Variants in CD2AP observed in about 807,000 individuals in gnomAD.
CD2AP encodes the protein CD2-associated protein.
In CD2AP, 46 loss-of-function variants were observed where a neutral mutation model predicts 85.1. The ratio of observed to expected loss-of-function variants is 0.54; its 90% CI spans 0.43 to 0.69. The LOEUF (loss-of-function observed/expected upper bound fraction) is 0.69, where lower values mean the gene tolerates loss of function less well. Among genes scored for constraint, CD2AP ranks in the 30% least tolerant of loss-of-function variants. CD2AP has a pLI of 0.00. For synonymous variants in CD2AP, 255 were observed against 252.9 expected (o/e 1.01, Z -0.08); for missense variants, 769 against 729.5 (o/e 1.05, Z -0.62).
intron 10 of CD2AP, 138 bp downstream of exon 10, chr6:47,581,038 G>T: frequency 1.4e-6 from 1 of 697,286 alleles, no homozygotes; most frequent in South Asian, 1.7e-5. Context: ...TATGAAAATT[G>T]AGTGTTCACA....
intron 14 of CD2AP, 141 bp from the exon 15 acceptor site, chr6:47,607,786 G>T (rs1268534314): frequency 3.3e-6 from 2 of 613,684 alleles, no homozygotes; most frequent in Non-Finnish European, 5.7e-6. Flanking sequence ...AAAGTATATA[G>T]CATCCTATTA....
At chr6:47,579,277 G>T in intron 8 of CD2AP, 108 bp from the exon 9 acceptor site, 1 of 702,290 alleles carries the variant, frequency 1.4e-6, no homozygotes. Context: ...TGAGGCTGCA[G>T]TGAGTCATGA....
intron 1 of CD2AP, among the ~76,000 whole-genome samples, chr6:47,480,751 T>G (rs1342874008): frequency 6.6e-6 from 1 of 152,226 alleles, no homozygotes; most frequent in Non-Finnish European, 1.5e-5. Context: ...AAATCTCAAT[T>G]TTTGACCTTT....
At chr6:47,547,959 A>G (rs1041659503) in intron 4 of CD2AP, among the ~76,000 whole-genome samples, 3 of 152,180 alleles carry the variant, frequency 2.0e-5, no homozygotes, top group Non-Finnish European at 2.9e-5. Flanking sequence ...ATGGAAATTA[A>G]AAAATTCTTC....
At position 47,599,418 on chromosome 6, in the gene CD2AP, T is replaced by C. The variant is rs1336039589; in HGVS notation, c.1392T>C (p.Leu464=). 3 of 1,612,256 alleles carry C rather than the reference T, an allele frequency of 1.9e-6. No individual in the cohort carries two copies. The highest frequency in any genetic ancestry group is 2.5e-6 in the Non-Finnish European group (3 of 1,179,076). The change falls in exon 13 of 18, where the codon CTT becomes CTC. Residue 464 remains leucine (L), a synonymous_variant. Transcript: ENST00000359314. The part of the protein sequence containing the change: ...LRPKSVDFDS[L]TVRTSKETDV... ...CAAAATCAGTAGACTTTGATTCACTTACAGTAAGGACCTCCAAAGAAACAG... is the reference window on the plus strand; with the variant it reads ...CAAAATCAGTAGACTTTGATTCACTCACAGTAAGGACCTCCAAAGAAACAG...
intron 16 of CD2AP, among the ~76,000 whole-genome samples, chr6:47,610,971 A>ATATATATATATATATATATATTTTTTTTT: frequency 1.8e-5 from 2 of 112,908 alleles, no homozygotes; most frequent in African/African-American, 7.2e-5. Context: ...ATATATATGT[A>ATATATATATATATATATATATTTTTTTTT]TTTTTTTTTT....
chr6:47,558,411 G>A (rs1156492662), intron 5 of CD2AP, among the ~76,000 whole-genome samples: 3 of 152,172 alleles, frequency 2.0e-5, no homozygotes, highest in African/African-American at 7.2e-5. Context: ...GGTTTTCACA[G>A]GGAATGCTTC....
chr6:47,613,508 CT>C (rs34881852), intron 17 of CD2AP, among the ~76,000 whole-genome samples: 82 of 146,972 alleles, frequency 5.6e-4, no homozygotes, highest in Non-Finnish European at 7.4e-4. Context: ...AAAAATAATC[CT>C]TTTTTTTTTT....
intron 5 of CD2AP, among the ~76,000 whole-genome samples, chr6:47,573,777 C>T (rs1339577814): frequency 1.3e-5 from 2 of 152,090 alleles, no homozygotes; most frequent in Non-Finnish European, 2.9e-5. Flanking sequence ...ACGTGAGCCA[C>T]CACAACATGC....
At chr6:47,518,663 G>T (rs1766511011) in intron 2 of CD2AP, among the ~76,000 whole-genome samples, 1 of 152,196 alleles carries the variant, frequency 6.6e-6, no homozygotes. Flanking sequence ...AGTAATACTT[G>T]GGAGTGGGAT....
At chr6:47,557,720 T>C (rs1052857915) in intron 5 of CD2AP, among the ~76,000 whole-genome samples, 4 of 152,196 alleles carry the variant, frequency 2.6e-5, no homozygotes, top group African/African-American at 7.2e-5. Context: ...CTGTTTTGGT[T>C]ACTGTAGCCT....
intron 5 of CD2AP, among the ~76,000 whole-genome samples, chr6:47,568,091 G>A (rs1307213159): frequency 6.6e-6 from 1 of 152,152 alleles, no homozygotes; most frequent in Non-Finnish European, 1.5e-5. Flanking sequence ...TGTTATTTGG[G>A]GGATGACCGA....
intron 4 of CD2AP, among the ~76,000 whole-genome samples, chr6:47,553,399 A>G (rs774100710): frequency 3.9e-4 from 58 of 147,078 alleles, no homozygotes; most frequent in Admixed American, 2.0e-3. Context: ...CAGGATGGAG[A>G]GCAGTGGCGC....
intron 2 of CD2AP, among the ~76,000 whole-genome samples, chr6:47,504,085 C>A (rs1371159820): frequency 1.3e-5 from 2 of 152,182 alleles, no homozygotes; most frequent in Admixed American, 6.5e-5. Context: ...TGCCAGAAAA[C>A]AATCTTTAGG....
intron 15 of CD2AP, 60 bp from the exon 16 acceptor site, chr6:47,609,063 A>G: frequency 7.7e-7 from 1 of 1,298,908 alleles, no homozygotes; most frequent in East Asian, 2.5e-5. Flanking sequence ...TGCTGTTAAA[A>G]TCTTTCGAAC....
intron 11 of CD2AP, among the ~76,000 whole-genome samples, chr6:47,593,592 C>T (rs1196400789): frequency 6.6e-6 from 1 of 151,692 alleles, no homozygotes; most frequent in Non-Finnish European, 1.5e-5. Flanking sequence ...AAATCAAAAC[C>T]ACAGCGAGCA....
Position 47,574,059 on chromosome 6 carries a change from T to G in CD2AP, c.542-5T>G. The G allele has an allele frequency of 2.5e-6, 4 of 1,613,674 alleles. No individual in the cohort carries two copies. The highest frequency in any genetic ancestry group is 1.7e-4 in the Middle Eastern group (1 of 6,058). On this transcript the variant is annotated splice_region_variant and splice_polypyrimidine_tract_variant and intron_variant, in intron 5 of 17. Coordinates refer to ENST00000359314, the MANE Select transcript of CD2AP (RefSeq NM_012120.3). ...TCATTCTTCAAAAACAAATTATTGT[T>G]TCAGAAACTGTTTTGGCTGGGCCTA...
At chr6:47,611,974 TGAG>T (rs1400651586) in intron 16 of CD2AP, among the ~76,000 whole-genome samples, 5 of 152,092 alleles carry the variant, frequency 3.3e-5, no homozygotes, top group African/African-American at 4.8e-5. Flanking sequence ...AAAGATGAGT[TGAG>T]GAGAGACTAT....
chr6:47,583,012 T>C (rs1768524877), intron 11 of CD2AP, among the ~76,000 whole-genome samples: 1 of 152,150 alleles, frequency 6.6e-6, no homozygotes, highest in Non-Finnish European at 1.5e-5. Context: ...CTCGATTTGC[T>C]GACCTCGTGA....
Sources: allele counts gnomAD v4.1 joint callset (sites outside exome capture counted in the v4.1 genomes callset), GRCh38; gene constraint gnomAD v4.1.1; transcripts MANE v1.5; gene names NCBI Gene and HGNC (gene_info 2026-07-23, HGNC 2026-07-21).